Variants in IL1RL1 observed in about 807,000 individuals in gnomAD.
IL1RL1 encodes the protein interleukin-1 receptor-like 1.
IL1RL1 carries 32 observed loss-of-function variants against 50.9 expected under a neutral mutation model. The ratio of observed to expected loss-of-function variants is 0.63; its 90% CI spans 0.47 to 0.84. The LOEUF (loss-of-function observed/expected upper bound fraction) is 0.84. IL1RL1 is among the 40% of genes least tolerant of loss of function. IL1RL1 has a pLI of 0.00. For synonymous variants in IL1RL1, 275 were observed against 236.0 expected, an observed-to-expected ratio of 1.17 and a Z score of -1.51; for missense variants, 773 against 662.9, an observed-to-expected ratio of 1.17 and a Z score of -1.82.
intron 1 of IL1RL1, among the ~76,000 whole-genome samples, chr2:102,317,389 G>T (rs1244213611): frequency 6.6e-6 from 1 of 151,982 alleles, no homozygotes; most frequent in Non-Finnish European, 1.5e-5. Context: ...TTTTTAAAAT[G>T]CACTGTAATT....
rs184386656 is a variant in IL1RL1, at chr2:102,311,603, C to T, written c.-170C>T. 2.0e-5 allele frequency: 3 copies of T among 150,870 alleles called. No homozygotes were observed. The highest frequency in any genetic ancestry group is 6.7e-5 in the Admixed American group (1 of 14,958). 9.3% of individuals were successfully genotyped at this position (150,870 alleles called of 1,614,324 possible). A position where few individuals can be genotyped will look rare whatever the true frequency, so the allele number is the denominator to read the frequency against. ...GGGCAGAAAGTTGAGGAAGAAAGAA[C>T]TCAAGTACAACCCAATGAGGGTAAG... On this transcript the variant is annotated 5_prime_UTR_variant, in exon 1 of 11. Transcript: ENST00000233954.
intron 5 of IL1RL1, 130 bp downstream of exon 5, chr2:102,340,958 T>C (rs890246808): frequency 2.5e-5 from 19 of 755,184 alleles, no homozygotes; most frequent in Non-Finnish European, 3.7e-5. Flanking sequence ...CATCTTATCT[T>C]ATACATTCTG....
At chr2:102,345,099 T>G (rs1278233583) in intron 8 of IL1RL1, 8 of 870,366 alleles carry the variant, frequency 9.2e-6, no homozygotes, top group Non-Finnish European at 1.1e-5. Flanking sequence ...GAAGGGGATA[T>G]GTTTTCTACA....
chr2:102,341,419 T>A, intron 5 of IL1RL1: 1 of 881,164 alleles, frequency 1.1e-6, no homozygotes, highest in South Asian at 2.6e-5. Context: ...AAAAGCTTAT[T>A]TAAGGGAAAG....
At chr2:102,319,002 A>G (rs771292906) in intron 1 of IL1RL1, among the ~76,000 whole-genome samples, 2 of 152,224 alleles carry the variant, frequency 1.3e-5, no homozygotes, top group Non-Finnish European at 2.9e-5. Context: ...CAAACAAGGA[A>G]AACAAAGAAA....
rs773620977 is a variant in IL1RL1 at position 102,349,104 on chromosome 2, T to C, written c.1143T>C (p.Val381=). 1.2e-6 allele frequency: 2 copies of C among 1,613,830 alleles called. No homozygotes were observed. The highest frequency in any genetic ancestry group is 8.5e-7 in the Non-Finnish European group (1 of 1,179,714). The change falls in exon 10 of 11, where the codon GTT becomes GTC. Residue 381 remains valine (V), a synonymous_variant. Transcript: ENST00000233954. The part of the protein sequence containing the change: ...RNDGKLYDAY[V]VYPRNYKSST... ...ATGGAAAGCTCTATGATGCTTATGT[T>C]GTCTACCCACGGAACTACAAATCCA...
chr2:102,342,929 T>C, intron 6 of IL1RL1, 107 bp from the exon 7 acceptor site: 1 of 1,024,276 alleles, frequency 9.8e-7, no homozygotes, highest in Admixed American at 2.2e-5. Flanking sequence ...GAGGTCCTGG[T>C]GGGGTGCATA....
chr2:102,351,770 AG>A lies in IL1RL1; in HGVS notation c.1524del (p.Thr509ProfsTer15), dbSNP rs770770786. 1.2e-6 allele frequency: 2 copies of A among 1,614,118 alleles called. No individual in the cohort carries two copies. Among genetic ancestry groups the A allele is most frequent in the Non-Finnish European group, 8.5e-7 (1 of 1,179,982 alleles). On this transcript the variant is annotated frameshift_variant, in exon 11 of 11. Transcript: ENST00000233954. LOFTEE classifies it low-confidence loss of function (END_TRUNC). ...QDSLQHLMKV[Q>X]GTIKWREDHI... ...TCCCTCCAGCATCTTATGAAAGTAC[AG>A]GGGACCATCAAGTGGAGGGAGGACC...
At position 102,351,883 on chromosome 2, in the gene IL1RL1, G is replaced by C. The variant is rs751692398; in HGVS notation, c.1633G>C (p.Ala545Pro). 5 of 1,613,624 alleles carry C rather than the reference G, an allele frequency of 3.1e-6. No homozygotes were observed. Among genetic ancestry groups the C allele is most frequent in the East Asian group, 4.5e-5 (2 of 44,878 alleles). Reference protein sequence around the residue: ...MPVPSKIPRKASSLTPLAAQK... With the variant: ...MPVPSKIPRKPSSLTPLAAQK... ...TGTGCCAAGCAAAATTCCCAGAAAG[G>C]CCTCTAGTTTGACTCCCTTGGCTGC... The change falls in exon 11 of 11, where the codon GCC becomes CCC. Residue 545 changes from alanine to proline, a missense_variant. Physicochemically the swap from Ala to Pro is conservative, Grantham distance 27. Transcript: ENST00000233954.
rs188801253 is a variant in IL1RL1 at position 102,334,932 on chromosome 2, G to A, written c.-149-3184G>A. Among the ~76,000 whole-genome samples the A allele has an allele frequency of 1.8e-3, 276 of 152,134 alleles. 1 individual carries two copies. Among genetic ancestry groups the A allele is most frequent in the African/African-American group, 6.6e-3 (272 of 41,496 alleles). On this transcript the variant is annotated intron_variant, in intron 1 of 10. Transcript: ENST00000233954. ...TTTTGTTTTTTTAATGGTTATGTAA[G>A]TGAAGTAGATTATAAATAGGCACAT...
chr2:102,350,654 C>A (rs1337912856), intron 10 of IL1RL1, among the ~76,000 whole-genome samples: 1 of 152,240 alleles, frequency 6.6e-6, no homozygotes, highest in Non-Finnish European at 1.5e-5. Context: ...TCATGGAATC[C>A]ATTGCACCCT....
chr2:102,328,290 T>C (rs1452450713), intron 1 of IL1RL1, among the ~76,000 whole-genome samples: 1 of 152,082 alleles, frequency 6.6e-6, no homozygotes, highest in Admixed American at 6.6e-5. Context: ...AAAAGGCCTT[T>C]GACAAAATTC....
chr2:102,322,101 C>T (rs190702243), intron 1 of IL1RL1, among the ~76,000 whole-genome samples: 35 of 152,288 alleles, frequency 2.3e-4, no homozygotes, highest in African/African-American at 8.2e-4. Context: ...AGCTACAAGG[C>T]AGGCTGGCAG....
At chr2:102,312,815 G>T (rs563083321) in intron 1 of IL1RL1, 1 of 152,178 alleles carries the variant, frequency 6.6e-6, no homozygotes, top group African/African-American at 2.4e-5. Flanking sequence ...CTCTCTGAAG[G>T]CTACTTCAAC....
chr2:102,334,644 T>G (rs1205086960), intron 1 of IL1RL1, among the ~76,000 whole-genome samples: 1 of 152,134 alleles, frequency 6.6e-6, no homozygotes, highest in African/African-American at 2.4e-5. Context: ...AATGAGAGCC[T>G]GACTCACTGA....
intron 1 of IL1RL1, among the ~76,000 whole-genome samples, chr2:102,317,302 C>T (rs1676705930): frequency 6.6e-6 from 1 of 151,926 alleles, no homozygotes; most frequent in Admixed American, 6.6e-5. Context: ...TGCAGTAAGC[C>T]CAGATGGCGC....
Position 102,340,727 on chromosome 2 carries a change from A to C in IL1RL1, c.509A>C (p.Asn170Thr). The C allele has an allele frequency of 1.2e-6, 2 of 1,601,446 alleles. No individual in the cohort carries two copies. The highest frequency in any genetic ancestry group is 1.7e-6 in the Non-Finnish European group (2 of 1,176,340). ...RAHKSFLVID[N>T]VMTEDAGDYT... ...CACAAGTCATTTTTGGTCATTGATAATGTGATGACTGAGGACGCAGGTGAT... is the reference window on the plus strand; with the variant it reads ...CACAAGTCATTTTTGGTCATTGATACTGTGATGACTGAGGACGCAGGTGAT... Residue 170 changes from asparagine (N) to threonine (T), a missense_variant, in exon 5 of 11, where the codon AAT becomes ACT. Physicochemically the swap from Asn to Thr is moderately conservative, Grantham distance 65 (BLOSUM62 0). Coordinates refer to ENST00000233954, the MANE Select transcript of IL1RL1 (RefSeq NM_016232.5).
At chr2:102,334,028 G>A (rs1054853496) in intron 1 of IL1RL1, among the ~76,000 whole-genome samples, 1 of 152,094 alleles carries the variant, frequency 6.6e-6, no homozygotes, top group African/African-American at 2.4e-5. Context: ...ATTGTGAACC[G>A]TGCTGCAGTG....
chr2:102,319,370 T>C (rs1300789803), intron 1 of IL1RL1, among the ~76,000 whole-genome samples: 1 of 152,210 alleles, frequency 6.6e-6, no homozygotes, highest in Non-Finnish European at 1.5e-5. Context: ...ACAATTTTTT[T>C]AGATACAAAT....
Sources: gnomAD v4.1 joint callset for allele counts (sites outside exome capture counted in the v4.1 genomes callset) on GRCh38, gnomAD v4.1.1 for gene constraint, MANE v1.5 for transcripts, NCBI Gene and HGNC (gene_info 2026-07-23, HGNC 2026-07-21) for gene names.